The following DLG2 variants were observed in gnomAD, a reference collection of about 807,000 sequenced individuals.
DLG2 encodes discs large MAGUK scaffold protein 2, also known as disks large homolog 2.
Under a neutral mutation model 132.5 loss-of-function variants are expected in DLG2, and 45 were observed. The ratio of observed to expected loss-of-function variants is 0.34; its 90% CI spans 0.27 to 0.44. The LOEUF (loss-of-function observed/expected upper bound fraction) is 0.44, where lower values mean the gene tolerates loss of function less well. Among genes scored for constraint, DLG2 ranks in the 20% least tolerant of loss-of-function variants. DLG2 has a pLI of 1.00. For missense variants in DLG2, 1,045 were observed against 1,196.9 expected, an observed-to-expected ratio of 0.87 and a Z score of 1.87; for synonymous variants, 424 against 419.6, an observed-to-expected ratio of 1.01 and a Z score of -0.13.
At chr11:85,270,707 G>C (rs548317959) in intron 4 of DLG2, among the ~76,000 whole-genome samples, 1 of 152,194 alleles carries the variant, frequency 6.6e-6, no homozygotes, top group Non-Finnish European at 1.5e-5. Flanking sequence ...GAACTTGTTG[G>C]GAACTGGAGT....
At chr11:84,628,981 T>A (rs561959955) in intron 6 of DLG2, among the ~76,000 whole-genome samples, 1 of 152,312 alleles carries the variant, frequency 6.6e-6, no homozygotes, top group South Asian at 2.1e-4. Flanking sequence ...TTTTGTCAGT[T>A]CATTTGTCTA....
intron 8 of DLG2, among the ~76,000 whole-genome samples, chr11:84,170,728 T>A (rs953654044): frequency 5.9e-5 from 9 of 152,196 alleles, no homozygotes; most frequent in Admixed American, 4.6e-4. Context: ...TGCATTGTAC[T>A]CCTGAGTCTG....
intron 7 of DLG2, among the ~76,000 whole-genome samples, chr11:84,372,131 T>A (rs960302905): frequency 4.5e-4 from 69 of 152,166 alleles, no homozygotes; most frequent in African/African-American, 1.6e-3. Context: ...CGACTTACAT[T>A]TAGATTCATA....
intron 14 of DLG2, among the ~76,000 whole-genome samples, chr11:83,961,394 A>G (rs747787139): frequency 2.0e-5 from 3 of 152,002 alleles, no homozygotes; most frequent in Non-Finnish European, 2.9e-5. Context: ...TTTCATTTTT[A>G]ATATTAGAAA....
At chr11:84,713,069 C>G (rs746776803) in intron 6 of DLG2, among the ~76,000 whole-genome samples, 38 of 152,072 alleles carry the variant, frequency 2.5e-4, no homozygotes, top group Non-Finnish European at 5.4e-4. Flanking sequence ...AAAACTGACT[C>G]CTCTCATCAG....
intron 3 of DLG2, among the ~76,000 whole-genome samples, chr11:85,373,380 C>T (rs1295691701): frequency 6.6e-6 from 1 of 152,198 alleles, no homozygotes; most frequent in African/African-American, 2.4e-5. Flanking sequence ...AACACTTAGG[C>T]TTCTAGGGAA....
intron 21 of DLG2, among the ~76,000 whole-genome samples, chr11:83,492,254 ATCTT>A (rs1408065779): frequency 1.3e-5 from 2 of 152,050 alleles, no homozygotes; most frequent in African/African-American, 4.8e-5. Flanking sequence ...AGTTCATCAT[ATCTT>A]TCTTCCTGAA....
At chr11:85,459,090 C>T (rs958979259) in intron 3 of DLG2, among the ~76,000 whole-genome samples, 1 of 152,158 alleles carries the variant, frequency 6.6e-6, no homozygotes, top group Admixed American at 6.5e-5. Flanking sequence ...GACAGACTGG[C>T]CTCTTCTCCC....
intron 3 of DLG2, among the ~76,000 whole-genome samples, chr11:85,296,684 G>T (rs1017720128): frequency 2.6e-5 from 4 of 151,092 alleles, no homozygotes; most frequent in African/African-American, 7.3e-5. Context: ...TGCACCAAAA[G>T]GATGAATTTA....
intron 15 of DLG2, among the ~76,000 whole-genome samples, chr11:83,917,525 A>G (rs76444502): frequency 0.017 from 2,616 of 152,312 alleles, 75 homozygotes; most frequent in African/African-American, 0.059. Flanking sequence ...GATGAAAATC[A>G]GTTTCTGTGT....
intron 15 of DLG2, among the ~76,000 whole-genome samples, chr11:83,906,312 CACACACA>C (rs1565586639): frequency 0.026 from 3,591 of 138,154 alleles, 188 homozygotes; most frequent in Non-Finnish European, 0.034. Flanking sequence ...CACACACACA[CACACACA>C]CCTCGGCCTC....
intron 6 of DLG2, among the ~76,000 whole-genome samples, chr11:84,548,643 G>T (rs2099395543): frequency 6.6e-6 from 1 of 152,100 alleles, no homozygotes; most frequent in African/African-American, 2.4e-5. Flanking sequence ...GTATTCCATG[G>T]TGTATATGTG....
chr11:84,846,753 T>C (rs189453488), intron 6 of DLG2, among the ~76,000 whole-genome samples: 19 of 152,318 alleles, frequency 1.2e-4, no homozygotes, highest in African/African-American at 4.6e-4. Flanking sequence ...GAAGTTACTT[T>C]ATGCCAGTTT....
chr11:84,110,181 A>C (rs1460307698), intron 9 of DLG2, among the ~76,000 whole-genome samples: 1 of 152,210 alleles, frequency 6.6e-6, no homozygotes, highest in Non-Finnish European at 1.5e-5. Flanking sequence ...GTAAAACAAC[A>C]GAGCAAGAAT....
At chr11:84,715,420 AT>A (rs1300088987) in intron 6 of DLG2, among the ~76,000 whole-genome samples, 2 of 152,118 alleles carry the variant, frequency 1.3e-5, no homozygotes, top group East Asian at 3.9e-4. Flanking sequence ...CTCTTAGCAA[AT>A]TTCTGGTATA....
intron 6 of DLG2, among the ~76,000 whole-genome samples, chr11:85,029,143 T>G (rs1430945691): frequency 1.3e-5 from 2 of 152,044 alleles, no homozygotes; most frequent in Non-Finnish European, 2.9e-5. Context: ...AAATAAACAT[T>G]TACTAGGCAA....
chr11:84,293,805 G>A (rs1194242115), intron 7 of DLG2, among the ~76,000 whole-genome samples: 1 of 152,128 alleles, frequency 6.6e-6, no homozygotes, highest in East Asian at 1.9e-4. Flanking sequence ...ATGATTATAT[G>A]GACAATCTAG....
chr11:84,387,746 C>A (rs1406227421), intron 7 of DLG2, among the ~76,000 whole-genome samples: 3 of 152,166 alleles, frequency 2.0e-5, no homozygotes, highest in Non-Finnish European at 4.4e-5. Context: ...CTTTGCCTTA[C>A]GTATACTTCA....
chr11:85,511,026 G>T (rs1003117736), intron 3 of DLG2, among the ~76,000 whole-genome samples: 1 of 152,048 alleles, frequency 6.6e-6, no homozygotes, highest in Non-Finnish European at 1.5e-5. Context: ...TATACACCAT[G>T]GAATACTATG....
Sources: gnomAD v4.1 joint callset for allele counts (sites outside exome capture counted in the v4.1 genomes callset) on GRCh38, gnomAD v4.1.1 for gene constraint, MANE v1.5 for transcripts, NCBI Gene and HGNC (gene_info 2026-07-23, HGNC 2026-07-21) for gene names.